The following RBFOX1 variants were observed in gnomAD, a reference collection of about 807,000 sequenced individuals.
RBFOX1 encodes the protein RNA binding fox-1 homolog 1.
RBFOX1 carries 8 observed loss-of-function variants against 57.7 expected under a neutral mutation model. The ratio of observed to expected loss-of-function variants is 0.14; its 90% CI spans 0.08 to 0.25. The LOEUF is 0.25. RBFOX1 is among the 10% of genes least tolerant of loss of function. The probability of loss-of-function intolerance (pLI) is 1.00; values close to 1 mark genes in which losing one functional copy is unlikely to be tolerated. For synonymous variants in RBFOX1, 326 were observed against 222.4 expected, an observed-to-expected ratio of 1.47 and a Z score of -4.15; for missense variants, 611 against 548.5, an observed-to-expected ratio of 1.11 and a Z score of -1.14.
intron 3 of RBFOX1, among the ~76,000 whole-genome samples, chr16:6,999,798 A>C (rs973337679): frequency 2.0e-5 from 3 of 152,112 alleles, no homozygotes; most frequent in Non-Finnish European, 4.4e-5. Flanking sequence ...TAGGCCAGGC[A>C]TGTTGGCTCA....
chr16:5,267,361 A>T (rs1473738252), intron 1 of RBFOX1, among the ~76,000 whole-genome samples: 2 of 149,208 alleles, frequency 1.3e-5, no homozygotes, highest in Non-Finnish European at 3.0e-5. Context: ...ACAGTGTCTT[A>T]ATCTTGACTC....
chr16:6,374,675 C>A (rs2090936044), intron 2 of RBFOX1, among the ~76,000 whole-genome samples: 1 of 152,178 alleles, frequency 6.6e-6, no homozygotes, highest in African/African-American at 2.4e-5. Flanking sequence ...TGCAAGGCGA[C>A]CAAGTAACAT....
chr16:7,194,843 G>C (rs966070699), intron 4 of RBFOX1, among the ~76,000 whole-genome samples: 1 of 150,706 alleles, frequency 6.6e-6, no homozygotes, highest in Non-Finnish European at 1.5e-5. Context: ...TGGGAGGATT[G>C]CTTAAGCCTG....
At chr16:7,049,870 A>C (rs547792777) in intron 3 of RBFOX1, among the ~76,000 whole-genome samples, 3 of 152,336 alleles carry the variant, frequency 2.0e-5, no homozygotes, top group African/African-American at 7.2e-5. Context: ...CACATAAAAT[A>C]AAATTTACCT....
At chr16:6,103,215 C>A (rs1217227638) in intron 1 of RBFOX1, among the ~76,000 whole-genome samples, 1 of 152,136 alleles carries the variant, frequency 6.6e-6, no homozygotes, top group Non-Finnish European at 1.5e-5. Context: ...GGCTTGGGGT[C>A]TGAACCCTGT....
chr16:5,253,414 A>C (rs1452842089), intron 1 of RBFOX1, among the ~76,000 whole-genome samples: 3 of 152,132 alleles, frequency 2.0e-5, no homozygotes, highest in Non-Finnish European at 4.4e-5. Context: ...GGCCTCCCAA[A>C]GTGCTGGGAT....
chr16:7,378,374 A>T (rs2097723774), intron 4 of RBFOX1, among the ~76,000 whole-genome samples: 1 of 152,128 alleles, frequency 6.6e-6, no homozygotes. Flanking sequence ...GCGAGACCTC[A>T]CGAAACCAAG....
chr16:5,990,182 C>G (rs149644548), intron 4 of RBFOX1, among the ~76,000 whole-genome samples: 26 of 152,170 alleles, frequency 1.7e-4, no homozygotes, highest in African/African-American at 6.0e-4. Flanking sequence ...GAGATAGGGT[C>G]TCACTTTGTG....
At chr16:6,429,186 A>C (rs77075754) in intron 2 of RBFOX1, among the ~76,000 whole-genome samples, 1 of 152,220 alleles carries the variant, frequency 6.6e-6, no homozygotes, top group East Asian at 1.9e-4. Context: ...ATTATCATCA[A>C]GCAAGTTCCA....
At chr16:5,954,560 G>C (rs1405214872) in intron 4 of RBFOX1, among the ~76,000 whole-genome samples, 1 of 152,160 alleles carries the variant, frequency 6.6e-6, no homozygotes, top group Non-Finnish European at 1.5e-5. Context: ...AGTGGTTTAT[G>C]ACCTTCAAAG....
intron 2 of RBFOX1, among the ~76,000 whole-genome samples, chr16:6,381,699 G>A (rs376684987): frequency 6.6e-6 from 1 of 152,182 alleles, no homozygotes; most frequent in Admixed American, 6.5e-5. Context: ...TGGGGACATG[G>A]GGTCCTGTGT....
chr16:7,618,340 A>G (rs537477681), intron 10 of RBFOX1, among the ~76,000 whole-genome samples: 3 of 152,280 alleles, frequency 2.0e-5, no homozygotes, highest in South Asian at 4.2e-4. Flanking sequence ...TATTATTACT[A>G]ATATGTGCGT....
chr16:7,343,833 C>G (rs1041876966), intron 4 of RBFOX1, among the ~76,000 whole-genome samples: 1 of 152,108 alleles, frequency 6.6e-6, no homozygotes, highest in Non-Finnish European at 1.5e-5. Context: ...TTTTTCCCTT[C>G]TGGGCAGTAG....
intron 14 of RBFOX1, chr16:7,693,291 T>G (rs2077786381): frequency 6.2e-7 from 1 of 1,609,996 alleles, no homozygotes; most frequent in African/African-American, 1.3e-5. Flanking sequence ...CGAGCAGTAT[T>G]GTGAATTTTA....
At chr16:7,673,041 G>A (rs2072075465) in intron 13 of RBFOX1, among the ~76,000 whole-genome samples, 1 of 151,822 alleles carries the variant, frequency 6.6e-6, no homozygotes, top group Non-Finnish European at 1.5e-5. Flanking sequence ...TCATCATAAA[G>A]GGAGCCTTTA....
At position 7,360,447 on chromosome 16, in the gene RBFOX1, G is replaced by A. The variant is rs544009133; in HGVS notation, c.28-157700G>A. ...GGTGTGCACGTGTGTGAATATTAGC[G>A]AGAATGGGAGAAGCCTTTACTAATT... On this transcript the variant is annotated intron_variant, in intron 4 of 15. Transcript: ENST00000550418. Among the ~76,000 whole-genome samples the A allele has an allele frequency of 4.9e-4, 74 of 152,216 alleles. 1 individual carries two copies. The highest frequency in any genetic ancestry group is 2.2e-3 in the Admixed American group (33 of 15,290).
intron 12 of RBFOX1, among the ~76,000 whole-genome samples, chr16:7,657,460 A>C (rs1049957075): frequency 1.3e-5 from 2 of 152,124 alleles, no homozygotes; most frequent in African/African-American, 4.8e-5. Flanking sequence ...GCCCGCCACC[A>C]CACCTGGCTA....
chr16:7,708,731 C>T (rs1278601359), intron 14 of RBFOX1, among the ~76,000 whole-genome samples: 1 of 152,136 alleles, frequency 6.6e-6, no homozygotes, highest in Non-Finnish European at 1.5e-5. Context: ...GAAGTTGTTT[C>T]TTTCTTACCT....
chr16:5,598,753 T>C, intron 2 of RBFOX1: 1 of 646,122 alleles, frequency 1.5e-6, no homozygotes. Flanking sequence ...TCTTGACCCC[T>C]GCAGGGGATG....
Sources: gnomAD v4.1 joint callset for allele counts (sites outside exome capture counted in the v4.1 genomes callset) on GRCh38, gnomAD v4.1.1 for gene constraint, MANE v1.5 for transcripts, NCBI Gene and HGNC (gene_info 2026-07-23, HGNC 2026-07-21) for gene names.